The following MAN1C1 variants were observed in gnomAD, a reference collection of about 807,000 sequenced individuals.
MAN1C1 encodes the protein mannosyl-oligosaccharide 1,2-alpha-mannosidase IC.
A neutral mutation model predicts 71.5 loss-of-function variants in MAN1C1; 49 were observed. That is an observed-to-expected ratio of 0.69 (90% confidence interval 0.54 to 0.87). MAN1C1 has a LOEUF of 0.87. Ranked by LOEUF, MAN1C1 falls within the 40% of genes least tolerant of loss-of-function variation. The probability of loss-of-function intolerance (pLI) is 0.00; values close to 1 mark genes in which losing one functional copy is unlikely to be tolerated. For synonymous variants in MAN1C1, 352 were observed against 343.7 expected, an observed-to-expected ratio of 1.02 and a Z score of -0.27; for missense variants, 743 against 835.0, an observed-to-expected ratio of 0.89 and a Z score of 1.36.
At chr1:25,760,978 C>G (rs1316179393) in intron 6 of MAN1C1, 1 of 152,206 alleles carries the variant, frequency 6.6e-6, no homozygotes, top group Non-Finnish European at 1.5e-5. Context: ...TGTGTTGGCC[C>G]AGTGCTGCCC....
At chr1:25,752,451 G>A (rs375752739) in intron 4 of MAN1C1, among the ~76,000 whole-genome samples, 3 of 152,286 alleles carry the variant, frequency 2.0e-5, no homozygotes, top group African/African-American at 4.8e-5. Context: ...ACAGGCATGA[G>A]CCACCGTGCC....
intron 2 of MAN1C1, among the ~76,000 whole-genome samples, chr1:25,693,870 A>C (rs77726512): frequency 6.6e-6 from 1 of 152,306 alleles, no homozygotes; most frequent in African/African-American, 2.4e-5. Context: ...TACAATGGGG[A>C]TAACAACTAC....
Position 25,769,116 on chromosome 1 carries a change from CCA to C in MAN1C1, c.1142-2535_1142-2534del, listed in dbSNP as rs1162687658. 6.8e-5 allele frequency among the ~76,000 whole-genome samples: 10 copies of C among 147,602 alleles called. No individual in the cohort carries two copies. The highest frequency in any genetic ancestry group is 2.0e-4 in the African/African-American group (8 of 40,074). On this transcript the variant is annotated intron_variant, in intron 7 of 11. Transcript: ENST00000374332. The surrounding 1 kb of genome is among the most constrained non-coding windows in gnomAD (Gnocchi z 4.8). ...ACCCACACTCCCTCCCACACACACA[CCA>C]CACACTCCCTTCACACACTACACAC...
intron 1 of MAN1C1, among the ~76,000 whole-genome samples, chr1:25,669,342 G>A (rs1454614654): frequency 6.6e-6 from 1 of 152,142 alleles, no homozygotes; most frequent in Non-Finnish European, 1.5e-5. Context: ...TTACTGAACC[G>A]CTCTGAACCT....
At chr1:25,663,415 C>T (rs2045878822) in intron 1 of MAN1C1, among the ~76,000 whole-genome samples, 1 of 151,964 alleles carries the variant, frequency 6.6e-6, no homozygotes, top group South Asian at 2.1e-4. Context: ...CTATGTTCTT[C>T]CTATACATAT....
chr1:25,635,283 G>GA (rs2045440165), intron 1 of MAN1C1, among the ~76,000 whole-genome samples: 1 of 151,668 alleles, frequency 6.6e-6, no homozygotes, highest in African/African-American at 2.4e-5. Flanking sequence ...TTTGGGGGGG[G>GA]TTAATTATTA....
chr1:25,709,251 G>C (rs1224868122), intron 2 of MAN1C1, among the ~76,000 whole-genome samples: 2 of 152,190 alleles, frequency 1.3e-5, no homozygotes, highest in Non-Finnish European at 2.9e-5. Context: ...TCAGAGACCT[G>C]ATGCAGAACA....
At chr1:25,659,314 A>G (rs1572128315) in intron 1 of MAN1C1, among the ~76,000 whole-genome samples, 1 of 152,184 alleles carries the variant, frequency 6.6e-6, no homozygotes, top group African/African-American at 2.4e-5. Flanking sequence ...CCCTTACGTC[A>G]GACCTAGAAA....
intron 1 of MAN1C1, among the ~76,000 whole-genome samples, chr1:25,629,893 G>T (rs143578528): frequency 1.5e-3 from 224 of 152,134 alleles, no homozygotes; most frequent in African/African-American, 5.1e-3. Context: ...TTAGTTTAAC[G>T]AGATCCCATT....
At chr1:25,644,267 G>A (rs1301113436) in intron 1 of MAN1C1, among the ~76,000 whole-genome samples, 4 of 151,998 alleles carry the variant, frequency 2.6e-5, no homozygotes, top group African/African-American at 4.8e-5. Context: ...GTACTGAGTC[G>A]TGGGAGGTGT....
chr1:25,734,544 C>T (rs2046954749), intron 2 of MAN1C1, among the ~76,000 whole-genome samples: 1 of 152,248 alleles, frequency 6.6e-6, no homozygotes, highest in African/African-American at 2.4e-5. Context: ...ATTCCACATT[C>T]CACAAGAAGC....
chr1:25,712,999 T>TCCTA (rs1210497306), intron 2 of MAN1C1, among the ~76,000 whole-genome samples: 1 of 152,214 alleles, frequency 6.6e-6, no homozygotes, highest in Non-Finnish European at 1.5e-5. Flanking sequence ...ATCTATGCAG[T>TCCTA]TGTCCAATAT....
intron 2 of MAN1C1, among the ~76,000 whole-genome samples, chr1:25,716,856 T>G (rs1299260676): frequency 6.6e-6 from 1 of 152,234 alleles, no homozygotes; most frequent in Admixed American, 6.5e-5. Flanking sequence ...GCTTCTGGCC[T>G]AGGCAATCAC....
rs2046618068 is a variant in MAN1C1 at position 25,711,852 on chromosome 1, C to T, written c.637+25316C>T. On this transcript the variant is annotated intron_variant, in intron 2 of 11. Transcript: ENST00000374332. This position sits in a 1 kb window ranked among gnomAD's most constrained non-coding sequence, Gnocchi z 4.3. ...ACTAAAAGATTCCTTTCATTCAGATCATGAGACAGAATTGGGAAATTTAAA... is the reference window on the plus strand; with the variant it reads ...ACTAAAAGATTCCTTTCATTCAGATTATGAGACAGAATTGGGAAATTTAAA... Among the ~76,000 whole-genome samples, 1 of 152,214 alleles carries T rather than the reference C, an allele frequency of 6.6e-6. No homozygotes were observed. The highest frequency in any genetic ancestry group is 2.4e-5 in the African/African-American group (1 of 41,444).
At position 25,771,654 on chromosome 1, in the gene MAN1C1, C is replaced by A; in HGVS notation, c.1142-3C>A. The A allele has an allele frequency of 1.9e-6, 3 of 1,607,454 alleles. No homozygotes were observed. Among genetic ancestry groups the A allele is most frequent in the Non-Finnish European group, 2.6e-6 (3 of 1,173,912 alleles). On this transcript the variant is annotated splice_region_variant and splice_polypyrimidine_tract_variant and intron_variant, in intron 7 of 11. Transcript: ENST00000374332. ...AATGTTCTTGTCCTCTTTCCCTTCA[C>A]AGACCATGTCTCAGTTGGAGGACTC...
Position 25,777,986 on chromosome 1 carries a change from A to G in MAN1C1, c.1258-119A>G, listed in dbSNP as rs2047640708. On this transcript the variant is annotated intron_variant, in intron 8 of 11. Transcript: ENST00000374332. ...AATGGGCCTCCTTTGCCTGGGATGG[A>G]GGGCTTGGCAGAGCTGCCCTTGCTA... 9.5e-6 allele frequency: 7 copies of G among 734,908 alleles called. No individual in the cohort carries two copies. The East Asian group carries it at 2.0e-4, about 21-fold the overall frequency. The allele number at this position is 734,908 out of a possible 1,614,324, so 45.5% of individuals were successfully genotyped here.
At chr1:25,660,775 C>T (rs1313573665) in intron 1 of MAN1C1, among the ~76,000 whole-genome samples, 1 of 152,020 alleles carries the variant, frequency 6.6e-6, no homozygotes, top group Non-Finnish European at 1.5e-5. Flanking sequence ...ACTGCAGATT[C>T]GAACTCCTGG....
rs143220794 is a variant in MAN1C1, at chr1:25,705,918, C to T, written c.637+19382C>T. Among the ~76,000 whole-genome samples the T allele has an allele frequency of 8.0e-3, 1,213 of 152,216 alleles. 20 individuals are homozygous for T. Among genetic ancestry groups the T allele is most frequent in the African/African-American group, 0.028 (1,163 of 41,542 alleles). On this transcript the variant is annotated intron_variant, in intron 2 of 11. Transcript: ENST00000374332. ...TGATTGCATCACTGCACTCCAGCCT[C>T]GGTGACAGAGCAAGACCCTATGTCA...
At chr1:25,649,853 G>A (rs1169671227) in intron 1 of MAN1C1, among the ~76,000 whole-genome samples, 1 of 152,150 alleles carries the variant, frequency 6.6e-6, no homozygotes, top group Non-Finnish European at 1.5e-5. Flanking sequence ...GGCTAGGCTG[G>A]TCTGGAACTC....
Sources: allele counts gnomAD v4.1 joint callset (sites outside exome capture counted in the v4.1 genomes callset), GRCh38; gene constraint gnomAD v4.1.1; non-coding constraint Gnocchi (gnomAD v3.1); transcripts MANE v1.5; gene names NCBI Gene and HGNC (gene_info 2026-07-23, HGNC 2026-07-21).